The following SP3 variants were observed in gnomAD, a reference collection of about 807,000 sequenced individuals.
The protein encoded by SP3 is transcription factor Sp3.
SP3 carries 10 observed loss-of-function variants against 70.3 expected under a neutral mutation model. That is an observed-to-expected ratio of 0.14 (90% CI 0.09 to 0.24). The LOEUF (loss-of-function observed/expected upper bound fraction) is 0.24, where lower values mean the gene tolerates loss of function less well. Ranked by LOEUF, SP3 falls within the 10% of genes least tolerant of loss-of-function variation. The probability of loss-of-function intolerance (pLI) is 1.00; values close to 1 mark genes in which losing one functional copy is unlikely to be tolerated. For synonymous variants in SP3, 402 were observed against 333.5 expected (o/e 1.21, Z -2.24); for missense variants, 825 against 914.6 (o/e 0.90, Z 1.26).
At chr2:173,942,386 T>G (rs1420683932) in intron 4 of SP3, among the ~76,000 whole-genome samples, 1 of 152,214 alleles carries the variant, frequency 6.6e-6, no homozygotes, top group East Asian at 1.9e-4. Flanking sequence ...GCCAGCATGG[T>G]GAAACCCCAT....
chr2:173,919,812 G>A (rs1229403934), intron 4 of SP3, among the ~76,000 whole-genome samples: 1 of 151,288 alleles, frequency 6.6e-6, no homozygotes, highest in Non-Finnish European at 1.5e-5. Context: ...TCTTCTAAAA[G>A]TGAACCTATA....
chr2:173,925,086 C>T (rs1384394008), intron 4 of SP3, among the ~76,000 whole-genome samples: 1 of 152,204 alleles, frequency 6.6e-6, no homozygotes, highest in Non-Finnish European at 1.5e-5. Flanking sequence ...CCGAGTTTCG[C>T]CATGTTGGTC....
rs1480899362 is a variant in SP3, at chr2:173,901,084, C to G, written c.*8857G>C. ...TAAATAACAGAGAGGGCATTATAAT[C>G]AGCAGGGAAACGTTGGACCATTCAA... On this transcript the variant is annotated 3_prime_UTR_variant, in exon 7 of 7. Coordinates refer to ENST00000310015, the MANE Select transcript of SP3 (RefSeq NM_003111.5). Among the ~76,000 whole-genome samples the G allele has an allele frequency of 6.6e-6, 1 of 152,150 alleles. No individual in the cohort carries two copies. Among genetic ancestry groups the G allele is most frequent in the Admixed American group, 6.5e-5 (1 of 15,270 alleles).
chr2:173,950,189 T>C (rs1423386593), intron 4 of SP3, among the ~76,000 whole-genome samples: 1 of 151,760 alleles, frequency 6.6e-6, no homozygotes, highest in Non-Finnish European at 1.5e-5. Context: ...GTAGTAAAAG[T>C]ACCCCAAAAA....
At position 173,964,466 on chromosome 2, in the gene SP3, T is replaced by TCGCCGTGGCCGCCGC. The variant is rs1383907488; in HGVS notation, c.80_94dup (p.Gly27_Gly31dup). ...GTGCTGTTGCTGCTGCTGCAGATAC[T>TCGCCGTGGCCGCCGC]CGCCGTGGCCGCCGCCGCCGCCACC... On this transcript the variant is annotated inframe_insertion, in exon 2 of 7. Coordinates refer to ENST00000310015, the MANE Select transcript of SP3 (RefSeq NM_003111.5). 5 of 708,490 alleles carry TCGCCGTGGCCGCCGC rather than the reference T, an allele frequency of 7.1e-6. No homozygotes were observed. The highest frequency in any genetic ancestry group is 1.3e-5 in the Non-Finnish European group (5 of 384,406). The allele number at this position is 708,490 out of a possible 1,614,324, so 43.9% of individuals were successfully genotyped here.
intron 3 of SP3, among the ~76,000 whole-genome samples, chr2:173,961,010 T>C (rs2105505791): frequency 6.6e-6 from 1 of 152,262 alleles, no homozygotes; most frequent in Non-Finnish European, 1.5e-5. Flanking sequence ...GTCACTTATT[T>C]TATTCCACTA....
At chr2:173,932,583 T>TA (rs1690096749) in intron 4 of SP3, among the ~76,000 whole-genome samples, 1 of 152,128 alleles carries the variant, frequency 6.6e-6, no homozygotes. Context: ...AGTCAGAACA[T>TA]ACAACCTTTA....
intron 4 of SP3, among the ~76,000 whole-genome samples, chr2:173,931,024 C>T (rs1160548054): frequency 6.6e-6 from 1 of 152,146 alleles, no homozygotes; most frequent in Non-Finnish European, 1.5e-5. Context: ...CCAAGCCACA[C>T]ATTTTTTTGG....
Position 173,908,876 on chromosome 2 carries a change from T to C in SP3, c.*1065A>G, listed in dbSNP as rs772589883. The C allele has an allele frequency of 6.7e-5, 10 of 150,118 alleles. No individual in the cohort carries two copies. The highest frequency in any genetic ancestry group is 1.5e-4 in the Non-Finnish European group (10 of 67,316). 9.3% of individuals were successfully genotyped at this position (150,118 alleles called of 1,614,324 possible). On this transcript the variant is annotated 3_prime_UTR_variant, in exon 7 of 7. Transcript: ENST00000310015. ...TAAGGGAAGAAGCAAAAAAGGAAAATGATTGATATTTAAGTGCAGACTGAC... is the reference window on the plus strand; with the variant it reads ...TAAGGGAAGAAGCAAAAAAGGAAAACGATTGATATTTAAGTGCAGACTGAC...
At chr2:173,920,399 G>T (rs908940075) in intron 4 of SP3, among the ~76,000 whole-genome samples, 2 of 152,100 alleles carry the variant, frequency 1.3e-5, no homozygotes, top group South Asian at 4.1e-4. Flanking sequence ...GTATAAACAC[G>T]AAGAGGGAAC....
intron 4 of SP3, among the ~76,000 whole-genome samples, chr2:173,947,151 T>C (rs760393556): frequency 6.6e-6 from 1 of 152,222 alleles, no homozygotes; most frequent in Non-Finnish European, 1.5e-5. Context: ...ATCAACATAC[T>C]TGAAATAAAA....
chr2:173,920,508 G>A (rs1689722490), intron 4 of SP3, among the ~76,000 whole-genome samples: 1 of 152,072 alleles, frequency 6.6e-6, no homozygotes, highest in Non-Finnish European at 1.5e-5. Context: ...GTTGACATAG[G>A]GAAGGGTATG....
In SP3 at chr2:173,904,862, T is replaced by C. The variant is rs1172628829; in HGVS notation, c.*5079A>G. ...TAGACTTTTTTTTGTGGGGGAAGGA[T>C]GGAGGGGAGAAATAACTGCATTTCT... On this transcript the variant is annotated 3_prime_UTR_variant, in exon 7 of 7. Coordinates refer to ENST00000310015, the MANE Select transcript of SP3 (RefSeq NM_003111.5). 6.6e-6 allele frequency among the ~76,000 whole-genome samples: 1 copy of C among 152,164 alleles called. No homozygotes were observed. The highest frequency in any genetic ancestry group is 2.4e-5 in the African/African-American group (1 of 41,428).
chr2:173,925,107 C>CA lies in SP3; in HGVS notation c.1640-6323dup, dbSNP rs539250587. The stretch of plus-strand genomic sequence containing the variant: ...TTCGCCATGTTGGTCAGGCTGGTCT[C>CA]AAACTCCTGACCTCAGGTGATCCGC... On this transcript the variant is annotated intron_variant, in intron 4 of 6. Coordinates refer to ENST00000310015, the MANE Select transcript of SP3 (RefSeq NM_003111.5). Among the ~76,000 whole-genome samples, 59 of 152,318 alleles carry CA rather than the reference C, an allele frequency of 3.9e-4. 2 individuals are homozygous for CA. The South Asian group carries it at 0.012, about 31-fold the overall frequency.
intron 4 of SP3, among the ~76,000 whole-genome samples, chr2:173,946,411 T>TG (rs2105488414): frequency 6.6e-6 from 1 of 152,164 alleles, no homozygotes; most frequent in South Asian, 2.1e-4. Flanking sequence ...CCGGAGTAGC[T>TG]GGAACTAAAG....
rs1161045042 is a variant in SP3, at chr2:173,908,300, A to G, written c.*1641T>C. The G allele has an allele frequency of 2.6e-5, 4 of 152,396 alleles. No homozygotes were observed. Among genetic ancestry groups the G allele is most frequent in the African/African-American group, 9.6e-5 (4 of 41,584 alleles). 9.4% of individuals were successfully genotyped at this position (152,396 alleles called of 1,614,324 possible). A position where few individuals can be genotyped will look rare whatever the true frequency, so the allele number is the denominator to read the frequency against. On this transcript the variant is annotated 3_prime_UTR_variant, in exon 7 of 7. Coordinates refer to ENST00000310015, the MANE Select transcript of SP3 (RefSeq NM_003111.5). ...ATGAATCAATGTGGGCTAAGGGCTA[A>G]GACTTTTTTTCAAAAATTTTATTTA...
chr2:173,908,662 T>C lies in SP3; in HGVS notation c.*1279A>G, dbSNP rs1003398498. 6 of 152,410 alleles carry C rather than the reference T, an allele frequency of 3.9e-5. No individual in the cohort carries two copies. Among genetic ancestry groups the C allele is most frequent in the African/African-American group, 1.4e-4 (6 of 41,438 alleles). 9.4% of individuals were successfully genotyped at this position (152,410 alleles called of 1,614,324 possible). Reference sequence around the variant, plus strand: ...TGAACAGAATTCCAAATTTTTGAAATAGGTGAACTGCTGCAGTTACAGGTA... The same window carrying C: ...TGAACAGAATTCCAAATTTTTGAAACAGGTGAACTGCTGCAGTTACAGGTA... On this transcript the variant is annotated 3_prime_UTR_variant, in exon 7 of 7. Transcript: ENST00000310015.
At chr2:173,918,861 T>G in intron 4 of SP3, 76 bp from the exon 5 acceptor site, 1 of 1,303,430 alleles carries the variant, frequency 7.7e-7, no homozygotes, top group Non-Finnish European at 1.1e-6. Flanking sequence ...ATTACATGTC[T>G]TCTCCCAATG....
At chr2:173,914,419 A>G (rs1198182877) in intron 5 of SP3, 2 of 152,092 alleles carry the variant, frequency 1.3e-5, no homozygotes, top group Non-Finnish European at 2.9e-5. Context: ...TTACTGGAAA[A>G]ATGCATATTT....
Sources: allele counts gnomAD v4.1 joint callset (sites outside exome capture counted in the v4.1 genomes callset), GRCh38; gene constraint gnomAD v4.1.1; transcripts MANE v1.5; gene names NCBI Gene and HGNC (gene_info 2026-07-23, HGNC 2026-07-21).